PCDHGA8: variants seen among roughly 807,000 people sequenced by gnomAD.
The protein encoded by PCDHGA8 is protocadherin gamma subfamily A, 8, also known as protocadherin gamma-A8.
PCDHGA8 carries 45 observed loss-of-function variants against 59.2 expected under a neutral mutation model. The ratio of observed to expected loss-of-function variants is 0.76; its 90% confidence interval spans 0.60 to 0.98. The LOEUF is 0.98. Among genes scored for constraint, PCDHGA8 ranks in the 50% least tolerant of loss-of-function variants. The probability of loss-of-function intolerance (pLI) is 0.00; values close to 1 mark genes in which losing one functional copy is unlikely to be tolerated. For synonymous variants in PCDHGA8, 531 were observed against 519.0 expected (o/e 1.02, Z -0.32); for missense variants, 1,257 against 1,196.2 (o/e 1.05, Z -0.75).
rs151105903 is a variant in PCDHGA8 at position 141,419,964 on chromosome 5, T to C, written c.2424+24727T>C. ...GTGGCCTTGGCCTTGATTTCTGTGC[T>C]CTTTCTCCTCGCGGTGATTCTAGCT... On this transcript the variant is annotated intron_variant, in intron 1 of 3. Transcript: ENST00000398604. 3.7e-6 allele frequency: 6 copies of C among 1,614,082 alleles called. No individual in the cohort carries two copies. Among genetic ancestry groups the C allele is most frequent in the Non-Finnish European group, 4.2e-6 (5 of 1,179,900 alleles).
In PCDHGA8 at chr5:141,476,506, C is replaced by T; in HGVS notation, c.2425-18301C>T. 1 of 1,614,068 alleles carries T rather than the reference C, an allele frequency of 6.2e-7. No homozygotes were observed. ...AAGTGGTGATCCAGGACATCAACGA[C>T]AACAATCCTGCTTTCCCTACCCAGG... On this transcript the variant is annotated intron_variant, in intron 1 of 3. Transcript: ENST00000398604. This position sits in a 1 kb window ranked among gnomAD's most constrained non-coding sequence, Gnocchi z 7.6.
intron 1 of PCDHGA8, chr5:141,409,809 A>G: frequency 1.2e-6 from 2 of 1,611,542 alleles, no homozygotes; most frequent in Non-Finnish European, 1.7e-6. Context: ...CAGGCCCGCG[A>G]CCACGGCTCG....
In PCDHGA8 at chr5:141,431,538, A is replaced by G; in HGVS notation, c.2424+36301A>G. ...CCGGAGAATCTGGCCTTGGGCACGC[A>G]GCTGCTTGTAGTCAACGCTACCGAC... is the stretch of plus-strand genomic sequence containing the variant. On this transcript the variant is annotated intron_variant, in intron 1 of 3. Transcript: ENST00000398604. The surrounding 1 kb of genome is among the most constrained non-coding windows in gnomAD (Gnocchi z 4.8). The G allele has an allele frequency of 6.2e-7, 1 of 1,614,114 alleles. No individual in the cohort carries two copies. Among genetic ancestry groups the G allele is most frequent in the Non-Finnish European group, 8.5e-7 (1 of 1,180,024 alleles).
At chr5:141,408,763 T>C in intron 1 of PCDHGA8, 1 of 1,611,150 alleles carries the variant, frequency 6.2e-7, no homozygotes. Context: ...TTAATTCCGA[T>C]GGTGGCAAAT....
Position 141,491,623 on chromosome 5 carries a change from G to T in PCDHGA8, c.2425-3184G>T. 1 of 1,613,930 alleles carries T rather than the reference G, an allele frequency of 6.2e-7. No homozygotes were observed. The highest frequency in any genetic ancestry group is 1.1e-5 in the South Asian group (1 of 91,084). On this transcript the variant is annotated intron_variant, in intron 1 of 3. Transcript: ENST00000398604. This position sits in a 1 kb window ranked among gnomAD's most constrained non-coding sequence, Gnocchi z 6.9. ...CTTCACTTTTCTAAGACCCCTCAGC[G>T]TTCAGCAGCCCACAGCTCTGGCGCT...
chr5:141,415,660 T>C, intron 1 of PCDHGA8: 2 of 1,583,052 alleles, frequency 1.3e-6, no homozygotes, highest in Non-Finnish European at 8.6e-7. Context: ...AAAGATTGGT[T>C]TTTACTTTGA....
At position 141,490,381 on chromosome 5, in the gene PCDHGA8, A is replaced by T. The variant is rs770046796; in HGVS notation, c.2425-4426A>T. 1 of 1,614,240 alleles carries T rather than the reference A, an allele frequency of 6.2e-7. No homozygotes were observed. The highest frequency in any genetic ancestry group is 1.1e-5 in the South Asian group (1 of 91,090). On this transcript the variant is annotated intron_variant, in intron 1 of 3. Coordinates refer to ENST00000398604, the MANE Select transcript of PCDHGA8 (RefSeq NM_032088.2). This position sits in a 1 kb window ranked among gnomAD's most constrained non-coding sequence, Gnocchi z 5.4. ...TAATGTGCGAGACCGGGACTCAGGT[A>T]GAAATGGTGAAGTGAGCCTTGATAT...
intron 1 of PCDHGA8, among the ~76,000 whole-genome samples, chr5:141,459,880 C>G (rs1240703946): frequency 6.6e-6 from 1 of 152,134 alleles, no homozygotes; most frequent in Non-Finnish European, 1.5e-5. Context: ...TTTAACTGAG[C>G]TGAACGCCTT....
chr5:141,461,269 TTC>T (rs1316205976), intron 1 of PCDHGA8, among the ~76,000 whole-genome samples: 4 of 152,186 alleles, frequency 2.6e-5, no homozygotes, highest in Admixed American at 2.0e-4. Flanking sequence ...TGTGTAAGTG[TTC>T]TCTTTTCCCC....
At chr5:141,402,212 A>C (rs1282581389) in intron 1 of PCDHGA8, among the ~76,000 whole-genome samples, 1 of 152,138 alleles carries the variant, frequency 6.6e-6, no homozygotes, top group Non-Finnish European at 1.5e-5. Flanking sequence ...ACAAAAATTT[A>C]AAATAAACGT....
Position 141,490,351 on chromosome 5 carries a change from T to C in PCDHGA8, c.2425-4456T>C. Reference sequence around the variant, plus strand: ...CACACCAGTGGGCACAGTAGTGGGGTTGTTTAATGTGCGAGACCGGGACTC... The same window carrying C: ...CACACCAGTGGGCACAGTAGTGGGGCTGTTTAATGTGCGAGACCGGGACTC... On this transcript the variant is annotated intron_variant, in intron 1 of 3. Transcript: ENST00000398604. The surrounding 1 kb of genome is among the most constrained non-coding windows in gnomAD (Gnocchi z 5.4). 6.2e-7 allele frequency: 1 copy of C among 1,614,028 alleles called. No individual in the cohort carries two copies. The highest frequency in any genetic ancestry group is 1.3e-5 in the African/African-American group (1 of 74,976).
At chr5:141,415,767 T>TTTTTTTTTTTTTTTTTTTTTG (rs2095942916) in intron 1 of PCDHGA8, 1 of 1,300,668 alleles carries the variant, frequency 7.7e-7, no homozygotes, top group African/African-American at 1.8e-5. Flanking sequence ...TTTTTTTTTT[T>TTTTTTTTTTTTTTTTTTTTTG]TTTTTACTTT....
Position 141,490,765 on chromosome 5 carries a change from G to A in PCDHGA8, c.2425-4042G>A. The A allele has an allele frequency of 6.2e-7, 1 of 1,614,076 alleles. No individual in the cohort carries two copies. The highest frequency in any genetic ancestry group is 8.5e-7 in the Non-Finnish European group (1 of 1,179,914). ...AGCCCCAGCCTCCTCCTTTGTGTAT[G>A]TCAACCCAGAGGATGGACGGATCTT... On this transcript the variant is annotated intron_variant, in intron 1 of 3. Coordinates refer to ENST00000398604, the MANE Select transcript of PCDHGA8 (RefSeq NM_032088.2). This position sits in a 1 kb window ranked among gnomAD's most constrained non-coding sequence, Gnocchi z 5.4.
At chr5:141,419,668 G>A (rs752237614) in intron 1 of PCDHGA8, 1 of 1,612,892 alleles carries the variant, frequency 6.2e-7, no homozygotes, top group East Asian at 2.2e-5. Context: ...ACAATGCCTG[G>A]CTGTCCTACC....
rs143278253 is a variant in PCDHGA8 at position 141,476,491 on chromosome 5, C to T, written c.2425-18316C>T. 9.5e-5 allele frequency: 153 copies of T among 1,613,894 alleles called. No individual in the cohort carries two copies. The highest frequency in any genetic ancestry group is 5.4e-5 in the Non-Finnish European group (64 of 1,180,020). On this transcript the variant is annotated intron_variant, in intron 1 of 3. Transcript: ENST00000398604. This position sits in a 1 kb window ranked among gnomAD's most constrained non-coding sequence, Gnocchi z 7.6. ...AGCTGTTCAGCGTGGAAGTGGTGAT[C>T]CAGGACATCAACGACAACAATCCTG... is the stretch of plus-strand genomic sequence containing the variant.
At chr5:141,433,401 A>ATCTATCTATCTC (rs1444244130) in intron 1 of PCDHGA8, among the ~76,000 whole-genome samples, 15 of 150,598 alleles carry the variant, frequency 1.0e-4, no homozygotes, top group African/African-American at 3.4e-4. Flanking sequence ...CTATCTATCT[A>ATCTATCTATCTC]TCTATTACTT....
rs529029548 is a variant in PCDHGA8 at position 141,483,337 on chromosome 5, T to C, written c.2425-11470T>C. 9.2e-5 allele frequency among the ~76,000 whole-genome samples: 14 copies of C among 152,260 alleles called. No homozygotes were observed. In the East Asian group the frequency reaches 2.5e-3, roughly 27 times the overall value. On this transcript the variant is annotated intron_variant, in intron 1 of 3. Transcript: ENST00000398604. Reference sequence around the variant, plus strand: ...TGGGACTGGAGGCAAAGAGATCTTATCTCTTTGCAATAGTTTGAAAGCTAT... The same window carrying C: ...TGGGACTGGAGGCAAAGAGATCTTACCTCTTTGCAATAGTTTGAAAGCTAT...
intron 1 of PCDHGA8, chr5:141,408,050 G>C: frequency 7.9e-7 from 1 of 1,259,544 alleles, no homozygotes; most frequent in South Asian, 1.6e-5. Context: ...CCCACACAGA[G>C]CCTCCCGGCT....
chr5:141,410,103 A>G, intron 1 of PCDHGA8: 1 of 1,612,622 alleles, frequency 6.2e-7, no homozygotes, highest in South Asian at 1.1e-5. Flanking sequence ...GCCTTAGGCG[A>G]CAGGGACGCA....
Sources: gnomAD v4.1 joint callset for allele counts (sites outside exome capture counted in the v4.1 genomes callset) on GRCh38, gnomAD v4.1.1 for gene constraint, Gnocchi (gnomAD v3.1) non-coding constraint, MANE v1.5 for transcripts, NCBI Gene and HGNC (gene_info 2026-07-23, HGNC 2026-07-21) for gene names.